Variants in INPP4B observed in about 807,000 individuals in gnomAD.
INPP4B encodes the protein inositol polyphosphate 4-phosphatase type II.
A neutral mutation model predicts 122.5 loss-of-function variants in INPP4B; 55 were observed. That is an observed-to-expected ratio of 0.45 (90% CI 0.36 to 0.56). The LOEUF is 0.56. Among genes scored for constraint, INPP4B ranks in the 20% least tolerant of loss-of-function variants. INPP4B has a pLI of 0.00. For synonymous variants in INPP4B, 403 were observed against 388.7 expected (o/e 1.04, Z -0.43); for missense variants, 1,000 against 1,097.7 (o/e 0.91, Z 1.26).
chr4:142,293,721 GA>G (rs1452231365), intron 9 of INPP4B, among the ~76,000 whole-genome samples: 13 of 152,146 alleles, frequency 8.5e-5, no homozygotes, highest in African/African-American at 3.1e-4. Context: ...CTATGACACA[GA>G]ACAACAGACA....
intron 2 of INPP4B, among the ~76,000 whole-genome samples, chr4:142,467,080 G>T (rs1817926939): frequency 6.6e-6 from 1 of 152,204 alleles, no homozygotes; most frequent in Non-Finnish European, 1.5e-5. Flanking sequence ...CCCTAACAGA[G>T]AAACTTTACT....
At chr4:142,284,574 C>A (rs746435049) in intron 9 of INPP4B, among the ~76,000 whole-genome samples, 6 of 152,024 alleles carry the variant, frequency 3.9e-5, no homozygotes, top group Non-Finnish European at 7.4e-5. Flanking sequence ...TCAGATTCTT[C>A]TTCTCAGTGA....
chr4:142,605,148 C>T (rs1740963933), intron 2 of INPP4B, among the ~76,000 whole-genome samples: 1 of 151,758 alleles, frequency 6.6e-6, no homozygotes, highest in African/African-American at 2.4e-5. Flanking sequence ...TCCAAATAAA[C>T]AAAAATTGTG....
At chr4:142,755,385 T>C (rs1770358041) in intron 1 of INPP4B, among the ~76,000 whole-genome samples, 1 of 152,036 alleles carries the variant, frequency 6.6e-6, no homozygotes, top group South Asian at 2.1e-4. Context: ...TGCTTCACTA[T>C]CCAGCTCATT....
At chr4:142,139,278 A>T (rs1324320765) in intron 18 of INPP4B, among the ~76,000 whole-genome samples, 1 of 151,848 alleles carries the variant, frequency 6.6e-6, no homozygotes, top group Non-Finnish European at 1.5e-5. Flanking sequence ...TAATTGCATT[A>T]ATTTGTGAGT....
chr4:142,426,447 CAAAG>C (rs1036212529), intron 5 of INPP4B: 3 of 151,744 alleles, frequency 2.0e-5, no homozygotes, highest in Non-Finnish European at 4.4e-5. Context: ...AGTATTAACA[CAAAG>C]AAACAAAATA....
intron 1 of INPP4B, among the ~76,000 whole-genome samples, chr4:142,786,014 G>A (rs1223809909): frequency 6.6e-6 from 1 of 152,160 alleles, no homozygotes; most frequent in East Asian, 1.9e-4. Flanking sequence ...GGTAAGTGAA[G>A]TGTGTGCATG....
intron 23 of INPP4B, among the ~76,000 whole-genome samples, chr4:142,099,117 C>T (rs1783371413): frequency 6.6e-6 from 1 of 151,994 alleles, no homozygotes; most frequent in African/African-American, 2.4e-5. Context: ...AATGCAGGCT[C>T]TTGACAGAAA....
intron 21 of INPP4B, among the ~76,000 whole-genome samples, chr4:142,113,069 A>G (rs1370644061): frequency 3.9e-5 from 6 of 152,212 alleles, no homozygotes; most frequent in Admixed American, 2.6e-4. Flanking sequence ...AGCTAAATAA[A>G]CCAAATAATT....
At chr4:142,088,213 T>C (rs1269240621) in intron 23 of INPP4B, among the ~76,000 whole-genome samples, 4 of 152,144 alleles carry the variant, frequency 2.6e-5, no homozygotes, top group Non-Finnish European at 5.9e-5. Flanking sequence ...AAGGGAGTTA[T>C]AAAATCAGAC....
At chr4:142,072,511 G>A (rs1421049948) in intron 25 of INPP4B, among the ~76,000 whole-genome samples, 7 of 146,898 alleles carry the variant, frequency 4.8e-5, no homozygotes, top group Admixed American at 6.8e-5. Flanking sequence ...GAGAACCAAT[G>A]CAACAGATGA....
At chr4:142,467,896 C>A (rs1460905757) in intron 2 of INPP4B, 3 of 152,086 alleles carry the variant, frequency 2.0e-5, no homozygotes, top group Non-Finnish European at 4.4e-5. Context: ...TGAGTTCATG[C>A]AATATCTGGT....
intron 18 of INPP4B, among the ~76,000 whole-genome samples, chr4:142,124,969 G>C (rs879687872): frequency 6.6e-6 from 1 of 152,094 alleles, no homozygotes; most frequent in Non-Finnish European, 1.5e-5. Flanking sequence ...ACCTCTCCAA[G>C]TGGATGCATT....
In INPP4B at chr4:142,259,785, C is replaced by CT. The variant is rs910110667; in HGVS notation, c.688+706dup. On this transcript the variant is annotated intron_variant, in intron 11 of 25. Transcript: ENST00000262992. ...TTCTTATTTTTACTTTTTAAATTTT[C>CT]TTTTTTTTTACTTTTTAAACATTTT... 3.0e-4 allele frequency among the ~76,000 whole-genome samples: 45 copies of CT among 150,660 alleles called. No individual in the cohort carries two copies. In the East Asian group the frequency reaches 4.5e-3, roughly 15 times the overall value.
intron 2 of INPP4B, among the ~76,000 whole-genome samples, chr4:142,544,150 T>TGTGTGTGTGC (rs1829278598): frequency 6.6e-6 from 1 of 151,452 alleles, no homozygotes; most frequent in Admixed American, 6.6e-5. Flanking sequence ...TGTGTGTGTG[T>TGTGTGTGTGC]GTGTGTGTAG....
rs190580427 is a variant in INPP4B, at chr4:142,139,766, A to G, written c.1720+6074T>C. 1.2e-4 allele frequency among the ~76,000 whole-genome samples: 19 copies of G among 152,356 alleles called. No homozygotes were observed. The East Asian group carries it at 3.7e-3, about 29-fold the overall frequency. ...GAAAAATCTTTGGCACCAGCAAGACATTGATAACTGGTGACAAATCACTGG... is the reference window on the plus strand; with the variant it reads ...GAAAAATCTTTGGCACCAGCAAGACGTTGATAACTGGTGACAAATCACTGG... On this transcript the variant is annotated intron_variant, in intron 18 of 25. Transcript: ENST00000262992.
At chr4:142,544,405 A>G (rs1829312291) in intron 2 of INPP4B, among the ~76,000 whole-genome samples, 1 of 151,928 alleles carries the variant, frequency 6.6e-6, no homozygotes, top group East Asian at 1.9e-4. Context: ...GAAAGAGACC[A>G]CCCTGAAGGG....
At chr4:142,280,543 T>G (rs1176318997) in intron 9 of INPP4B, among the ~76,000 whole-genome samples, 1 of 151,896 alleles carries the variant, frequency 6.6e-6, no homozygotes, top group East Asian at 1.9e-4. Context: ...GGTGTGGGTG[T>G]GAAGGGGTTT....
At chr4:142,806,138 G>C (rs7657937) in intron 1 of INPP4B, among the ~76,000 whole-genome samples, 11,514 of 151,886 alleles carry the variant, frequency 0.076, 575 homozygotes, top group South Asian at 0.16. Context: ...AATAAGCCGG[G>C]CATGGTGGCG....
Sources: allele counts gnomAD v4.1 joint callset (sites outside exome capture counted in the v4.1 genomes callset), GRCh38; gene constraint gnomAD v4.1.1; transcripts MANE v1.5; gene names NCBI Gene and HGNC (gene_info 2026-07-23, HGNC 2026-07-21).